Variants in EDA observed in about 807,000 individuals in gnomAD.
EDA encodes the protein ectodysplasin A.
In EDA, 2 loss-of-function variants were observed where a neutral mutation model predicts 23.6. The ratio of observed to expected loss-of-function variants is 0.08; its 90% CI spans 0.03 to 0.27. The LOEUF (loss-of-function observed/expected upper bound fraction) is 0.27. EDA is among the 10% of genes least tolerant of loss of function. The probability of loss-of-function intolerance (pLI) is 1.00; values close to 1 mark genes in which losing one functional copy is unlikely to be tolerated. For synonymous variants in EDA, 131 were observed against 132.0 expected (o/e 0.99, Z 0.05); for missense variants, 229 against 324.2 (o/e 0.71, Z 2.26).
At chrX:70,020,890 GA>G (rs2020024463) in intron 2 of EDA, among the ~76,000 whole-genome samples, 1 of 112,256 alleles carries the variant, frequency 8.9e-6, no homozygotes, top group African/African-American at 3.2e-5. Context: ...AGATGTGCAT[GA>G]AATGTTAGTA....
chrX:69,825,882 G>A (rs1005567618), intron 1 of EDA, among the ~76,000 whole-genome samples: 1 of 109,749 alleles, frequency 9.1e-6, no homozygotes, highest in African/African-American at 3.3e-5. Flanking sequence ...GCATCCCAGA[G>A]ATTCTGGTAT....
intron 3 of EDA, 134 bp from the exon 4 acceptor site, chrX:70,027,723 T>C (rs964746288): frequency 4.3e-6 from 2 of 461,107 alleles, no homozygotes; most frequent in South Asian, 3.0e-5. Context: ...CTCCAGAGGC[T>C]GAGGCAGGAG....
intron 1 of EDA, among the ~76,000 whole-genome samples, chrX:69,857,294 G>A (rs773848157): frequency 1.3e-4 from 15 of 111,997 alleles, no homozygotes; most frequent in South Asian, 3.7e-4. Flanking sequence ...TTGAAGTCCC[G>A]TATTGTGAGG....
chrX:69,856,994 T>C (rs2801986), intron 1 of EDA, among the ~76,000 whole-genome samples: 22,471 of 111,477 alleles, frequency 0.2, 1,724 homozygotes, highest in Non-Finnish European at 0.24. Context: ...AGAATTTTTA[T>C]AGTTTCAGGT....
chrX:69,641,648 C>T, intron 1 of EDA, among the ~76,000 whole-genome samples: 1 of 112,040 alleles, frequency 8.9e-6, no homozygotes, highest in South Asian at 3.7e-4. Context: ...TCATCAAAGT[C>T]ACTCCCTTTG....
At chrX:69,850,041 G>C in intron 1 of EDA, among the ~76,000 whole-genome samples, 1 of 112,214 alleles carries the variant, frequency 8.9e-6, no homozygotes, top group Non-Finnish European at 1.9e-5. Context: ...GTGAGGGTGT[G>C]ATTAAGGCCA....
intron 1 of EDA, among the ~76,000 whole-genome samples, chrX:69,841,509 T>C (rs1240831399): frequency 1.8e-5 from 2 of 111,610 alleles, no homozygotes; most frequent in African/African-American, 6.5e-5. Flanking sequence ...CAGCTATTTC[T>C]TTCTTTCTTT....
intron 1 of EDA, among the ~76,000 whole-genome samples, chrX:69,936,882 G>A (rs778809945): frequency 8.9e-6 from 1 of 111,852 alleles, no homozygotes; most frequent in African/African-American, 3.2e-5. Context: ...TGTCACACAC[G>A]CTTGCTAACA....
chrX:69,831,790 C>G (rs1413359956), intron 1 of EDA, among the ~76,000 whole-genome samples: 2 of 112,507 alleles, frequency 1.8e-5, no homozygotes, highest in Admixed American at 9.4e-5. Context: ...CTCTAATGAC[C>G]ATGATGATGA....
chrX:69,736,561 T>A (rs2013266660), intron 1 of EDA, among the ~76,000 whole-genome samples: 1 of 110,142 alleles, frequency 9.1e-6, no homozygotes, highest in Non-Finnish European at 1.9e-5. Flanking sequence ...ACTCCTGGCC[T>A]CATGTGATTC....
At chrX:69,634,769 A>G (rs1201696044) in intron 1 of EDA, among the ~76,000 whole-genome samples, 1 of 111,838 alleles carries the variant, frequency 8.9e-6, no homozygotes, top group Non-Finnish European at 1.9e-5. Context: ...CATGTGCCAC[A>G]TAATGATGTT....
intron 1 of EDA, among the ~76,000 whole-genome samples, chrX:69,727,368 A>T (rs1279919768): frequency 2.7e-5 from 3 of 111,999 alleles, no homozygotes. Flanking sequence ...TCCAGGCTTG[A>T]GGATGGGGCC....
intron 2 of EDA, among the ~76,000 whole-genome samples, chrX:69,966,974 G>A (rs368357304): frequency 1.0e-4 from 11 of 106,404 alleles, no homozygotes; most frequent in African/African-American, 3.4e-4. Context: ...GTGTGTGTGT[G>A]TATATATATA....
At chrX:69,749,883 CTTTTAGAAACT>C (rs1277630870) in intron 1 of EDA, 2 of 69,912 alleles carry the variant, frequency 2.9e-5, no homozygotes, top group African/African-American at 1.2e-4. Flanking sequence ...CCCAATGTGT[CTTTTAGAAACT>C]TTTTAGAAAC....
In EDA at chrX:69,957,093, C is replaced by T. The variant is rs132630312; in HGVS notation, c.463C>T (p.Arg155Cys). The T allele has an allele frequency of 3.3e-6, 4 of 1,209,991 alleles. No homozygotes were observed. The highest frequency in any genetic ancestry group is 4.4e-5 in the Admixed American group (2 of 45,849). The change falls in exon 2 of 8, where the codon CGC (arginine) becomes TGC (cysteine). Residue 155 changes from arginine to cysteine, a missense_variant. Transcript: ENST00000374552. ...PYSEEESRRV[R>C]RNKRSKSNEG... is the part of the protein sequence containing the mutation. Reference sequence around the variant, plus strand: ...CTCTGAAGAAGAAAGTAGGCGTGTTCGCCGCAATAAAAGAAGCAAAAGCAA... The same window carrying T: ...CTCTGAAGAAGAAAGTAGGCGTGTTTGCCGCAATAAAAGAAGCAAAAGCAA...
rs938868977 is a variant in EDA at position 69,669,338 on chromosome X, T to G, written c.396+52634T>G. On this transcript the variant is annotated intron_variant, in intron 1 of 7. Transcript: ENST00000374552. ...TTGTTTATTATTTATGGTTGTTTTT[T>G]AGCTTCTTTGTTCCTTTCTTTCTCT... is the stretch of plus-strand genomic sequence containing the variant. 3.6e-5 allele frequency among the ~76,000 whole-genome samples: 4 copies of G among 111,703 alleles called. No homozygotes were observed. The South Asian group carries it at 1.5e-3, about 42-fold the overall frequency.
In EDA at chrX:69,734,176, G is replaced by C. The variant is rs928679411; in HGVS notation, c.396+117472G>C. On this transcript the variant is annotated intron_variant, in intron 1 of 7. Coordinates refer to ENST00000374552, the MANE Select transcript of EDA (RefSeq NM_001399.5). ...TCTTCAGTGAGCTTTTATAATTTGT[G>C]TCTCTCAAGAAATTTGTCCATTTGT... 4.5e-5 allele frequency among the ~76,000 whole-genome samples: 5 copies of C among 111,384 alleles called. No homozygotes were observed. The East Asian group carries it at 1.1e-3, about 25-fold the overall frequency.
At chrX:69,618,638 A>G (rs963291532) in intron 1 of EDA, among the ~76,000 whole-genome samples, 4 of 111,528 alleles carry the variant, frequency 3.6e-5, no homozygotes, top group Non-Finnish European at 5.7e-5. Flanking sequence ...TTGGGTGCCC[A>G]TTCCCCCAAC....
intron 2 of EDA, among the ~76,000 whole-genome samples, chrX:69,970,824 C>T (rs866592388): frequency 8.9e-5 from 10 of 111,766 alleles, no homozygotes; most frequent in Non-Finnish European, 1.5e-4. Context: ...TTCTGTGGAA[C>T]TCCTTATATG....
Sources: gnomAD v4.1 joint callset for allele counts (sites outside exome capture counted in the v4.1 genomes callset) on GRCh38, gnomAD v4.1.1 for gene constraint, MANE v1.5 for transcripts, NCBI Gene and HGNC (gene_info 2026-07-23, HGNC 2026-07-21) for gene names.